CTNNA3: variants seen among roughly 807,000 people sequenced by gnomAD.
CTNNA3 encodes the protein catenin alpha 3, also known as catenin alpha-3.
CTNNA3 carries 76 observed loss-of-function variants against 95.7 expected under a neutral mutation model. The ratio of observed to expected loss-of-function variants is 0.79; its 90% CI spans 0.66 to 0.96. CTNNA3 has a LOEUF of 0.96. CTNNA3 is among the 40% of genes least tolerant of loss of function. The pLI is 0.00. For missense variants in CTNNA3, 1,191 were observed against 1,089.8 expected (o/e 1.09, Z -1.31); for synonymous variants, 431 against 374.4 (o/e 1.15, Z -1.74).
At chr10:66,318,008 G>A (rs1300788852) in intron 12 of CTNNA3, among the ~76,000 whole-genome samples, 2 of 152,072 alleles carry the variant, frequency 1.3e-5, no homozygotes, top group Non-Finnish European at 2.9e-5. Context: ...GAAAAAGGTG[G>A]AAAGCATTAT....
At chr10:66,955,699 C>A (rs1282132616) in intron 7 of CTNNA3, among the ~76,000 whole-genome samples, 1 of 152,122 alleles carries the variant, frequency 6.6e-6, no homozygotes, top group Non-Finnish European at 1.5e-5. Context: ...TCTAGACTGT[C>A]ACAAACTGGA....
In CTNNA3 at chr10:66,389,385, A is replaced by G. The variant is rs561620801; in HGVS notation, c.1532-10033T>C. On this transcript the variant is annotated intron_variant, in intron 11 of 17. Transcript: ENST00000433211. ...AACAGCTTCAGAGTATCAGCTTAAC[A>G]TTTGCTCTGAGGTGAGGGGTGGAAT... Among the ~76,000 whole-genome samples the G allele has an allele frequency of 2.6e-5, 4 of 152,206 alleles. No homozygotes were observed. In the South Asian group the frequency reaches 8.3e-4, roughly 32 times the overall value.
chr10:66,240,741 G>A (rs1454759206), intron 13 of CTNNA3, among the ~76,000 whole-genome samples: 1 of 151,930 alleles, frequency 6.6e-6, no homozygotes, highest in Non-Finnish European at 1.5e-5. Context: ...TGATAACAAA[G>A]AAGAGAGACA....
chr10:65,933,360 C>A (rs1245099651), intron 17 of CTNNA3, among the ~76,000 whole-genome samples: 2 of 152,078 alleles, frequency 1.3e-5, no homozygotes, highest in East Asian at 3.9e-4. Flanking sequence ...CAAGGTTATC[C>A]CTCTAATTAT....
chr10:66,836,492 T>A (rs1400890982), intron 7 of CTNNA3, among the ~76,000 whole-genome samples: 1 of 152,066 alleles, frequency 6.6e-6, no homozygotes, highest in Non-Finnish European at 1.5e-5. Flanking sequence ...GATTTGGGAA[T>A]GGTTTCGGCA....
chr10:66,891,459 A>C (rs1845266795), intron 7 of CTNNA3, among the ~76,000 whole-genome samples: 1 of 152,188 alleles, frequency 6.6e-6, no homozygotes, highest in Non-Finnish European at 1.5e-5. Flanking sequence ...GGATATTTTG[A>C]TTATATCATT....
intron 14 of CTNNA3, among the ~76,000 whole-genome samples, chr10:66,083,380 T>C (rs1405375647): frequency 6.6e-6 from 1 of 152,174 alleles, no homozygotes; most frequent in African/African-American, 2.4e-5. Flanking sequence ...CCTATGCTAG[T>C]CTTCTCCAGA....
chr10:66,346,824 G>C (rs762373836), intron 12 of CTNNA3, among the ~76,000 whole-genome samples: 16 of 152,020 alleles, frequency 1.1e-4, no homozygotes, highest in Non-Finnish European at 2.1e-4. Flanking sequence ...GTTAGGTTGG[G>C]GAAAGAGTTG....
At chr10:67,701,612 G>A (rs1252852796) in intron 1 of CTNNA3, among the ~76,000 whole-genome samples, 2 of 152,160 alleles carry the variant, frequency 1.3e-5, no homozygotes, top group African/African-American at 4.8e-5. Flanking sequence ...CCCTAAAACA[G>A]CTCCTGAAGG....
intron 10 of CTNNA3, among the ~76,000 whole-genome samples, chr10:66,588,424 A>G (rs547385739): frequency 7.7e-4 from 117 of 151,856 alleles, no homozygotes; most frequent in Non-Finnish European, 1.2e-3. Context: ...TCCAAGTGGG[A>G]GAGGCAGGCT....
chr10:66,938,635 T>C (rs1177919699), intron 7 of CTNNA3, among the ~76,000 whole-genome samples: 1 of 152,144 alleles, frequency 6.6e-6, no homozygotes, highest in African/African-American at 2.4e-5. Context: ...AGTAGACTCA[T>C]GCAGCTCAAA....
At chr10:66,423,581 G>C (rs1030503234) in intron 11 of CTNNA3, among the ~76,000 whole-genome samples, 6 of 152,080 alleles carry the variant, frequency 3.9e-5, no homozygotes, top group Admixed American at 1.3e-4. Context: ...TCCCAAACCA[G>C]AGACATGCCA....
At chr10:66,375,698 T>C (rs575056979) in intron 12 of CTNNA3, among the ~76,000 whole-genome samples, 13 of 152,186 alleles carry the variant, frequency 8.5e-5, no homozygotes, top group Non-Finnish European at 1.8e-4. Context: ...ATTAAAGTTT[T>C]TTCAAACTAC....
At chr10:67,143,747 C>T (rs576336927) in intron 7 of CTNNA3, among the ~76,000 whole-genome samples, 1 of 152,214 alleles carries the variant, frequency 6.6e-6, no homozygotes, top group Non-Finnish European at 1.5e-5. Context: ...TCTTGCTATT[C>T]CTCCCCTGCT....
chr10:67,141,701 C>G (rs907135745), intron 7 of CTNNA3, among the ~76,000 whole-genome samples: 3 of 152,110 alleles, frequency 2.0e-5, no homozygotes, highest in African/African-American at 4.8e-5. Flanking sequence ...GGAACATTCA[C>G]CAAAAATATA....
At chr10:66,485,339 T>C (rs1200311945) in intron 11 of CTNNA3, among the ~76,000 whole-genome samples, 2 of 152,122 alleles carry the variant, frequency 1.3e-5, no homozygotes, top group Admixed American at 1.3e-4. Flanking sequence ...TGGTAAGACC[T>C]AAATTTTTCA....
chr10:67,476,199 C>T (rs2133040303), intron 5 of CTNNA3, among the ~76,000 whole-genome samples: 1 of 152,242 alleles, frequency 6.6e-6, no homozygotes, highest in East Asian at 1.9e-4. Context: ...CTGAGTCGTC[C>T]CCACCCACCC....
intron 7 of CTNNA3, among the ~76,000 whole-genome samples, chr10:66,793,890 C>A (rs1225245138): frequency 6.6e-6 from 1 of 152,130 alleles, no homozygotes; most frequent in African/African-American, 2.4e-5. Context: ...CTTGGCCTTT[C>A]TCCATACTGG....
chr10:66,715,661 C>G (rs1289981024), intron 9 of CTNNA3, among the ~76,000 whole-genome samples: 1 of 152,052 alleles, frequency 6.6e-6, no homozygotes, highest in African/African-American at 2.4e-5. Flanking sequence ...TATTTGATAG[C>G]ATACCTGGGC....
Sources: gnomAD v4.1 joint callset for allele counts (sites outside exome capture counted in the v4.1 genomes callset) on GRCh38, gnomAD v4.1.1 for gene constraint, MANE v1.5 for transcripts, NCBI Gene and HGNC (gene_info 2026-07-23, HGNC 2026-07-21) for gene names.